Variants in GJC1 observed in about 807,000 individuals in gnomAD.
GJC1 encodes the protein gap junction protein gamma 1.
In GJC1, 5 loss-of-function variants were observed where a neutral mutation model predicts 29.3. The ratio of observed to expected loss-of-function variants is 0.17; its 90% CI spans 0.09 to 0.36. The LOEUF (loss-of-function observed/expected upper bound fraction) is 0.36, where lower values mean the gene tolerates loss of function less well. Among genes scored for constraint, GJC1 ranks in the 10% least tolerant of loss-of-function variants. The pLI is 1.00. For missense variants in GJC1, 310 were observed against 496.2 expected (o/e 0.62, Z 3.56); for synonymous variants, 177 against 183.3 (o/e 0.97, Z 0.28).
intron 1 of GJC1, among the ~76,000 whole-genome samples, chr17:44,821,399 A>G (rs976888909): frequency 6.6e-6 from 1 of 152,142 alleles, no homozygotes; most frequent in African/African-American, 2.4e-5. Context: ...CTTTAAAAAA[A>G]CCCAACCCAT....
At chr17:44,816,630 C>T (rs1436238640) in intron 1 of GJC1, among the ~76,000 whole-genome samples, 5 of 151,968 alleles carry the variant, frequency 3.3e-5, no homozygotes, top group East Asian at 3.9e-4. Flanking sequence ...GTCAGCTTCT[C>T]GAGTAGCTGG....
chr17:44,798,348 A>C (rs1317206576), downstream of GJC1: 2 of 152,284 alleles, frequency 1.3e-5, no homozygotes, highest in East Asian at 3.9e-4. Flanking sequence ...GCTCTTGGGT[A>C]TTATCTTATA....
chr17:44,825,543 G>A (rs1406346823), intron 1 of GJC1, among the ~76,000 whole-genome samples: 1 of 152,170 alleles, frequency 6.6e-6, no homozygotes, highest in African/African-American at 2.4e-5. Flanking sequence ...AGCACTTTGA[G>A]AGGCTGAGGC....
At chr17:44,796,824 TACACACACAC>T, downstream of GJC1, among the ~76,000 whole-genome samples, 1 of 139,762 alleles carries the variant, frequency 7.2e-6, no homozygotes, top group East Asian at 2.1e-4. Flanking sequence ...CACACACACA[TACACACACAC>T]ACACGTATAT....
chr17:44,805,528 T>C lies in GJC1; in HGVS notation c.290A>G (p.His97Arg), dbSNP rs1423634931. The change falls in exon 3 of 3, where the codon CAC becomes CGC. Residue 97 changes from histidine (H) to arginine (R), a missense_variant. By Grantham distance (29) the His-to-Arg change is conservative (BLOSUM62 0). Around this residue, in one of 4 missense-constraint regions of GJC1, gnomAD observed 82 missense variants for 100.7 expected, o/e 0.81. Transcript: ENST00000592524. This position sits in a 1 kb window ranked among gnomAD's most constrained non-coding sequence, Gnocchi z 5.1. ...PSVMYLGYAI[H>R]KIAKMEHGEA... ...ACCGTGCTCCATTTTGGCAATCTTG[T>C]GGATAGCATAGCCCAGGTACATCAC... 3 of 1,614,204 alleles carry C rather than the reference T, an allele frequency of 1.9e-6. No homozygotes were observed. Among genetic ancestry groups the C allele is most frequent in the Admixed American group, 1.7e-5 (1 of 60,026 alleles).
intron 1 of GJC1, among the ~76,000 whole-genome samples, chr17:44,809,892 T>C (rs1244813929): frequency 8.0e-6 from 1 of 125,474 alleles, no homozygotes; most frequent in Admixed American, 8.4e-5. Flanking sequence ...ACAGTCTCGC[T>C]TTTTTGGCCA....
chr17:44,830,711 AG>A, upstream of GJC1: 1 of 398,692 alleles, frequency 2.5e-6, no homozygotes. The surrounding 1 kb of genome is among the most constrained non-coding windows in gnomAD (Gnocchi z 4.3). Context: ...GGTCCATTGT[AG>A]CACGGGATGC....
At chr17:44,820,471 T>G (rs1305551332) in intron 1 of GJC1, among the ~76,000 whole-genome samples, 1 of 152,182 alleles carries the variant, frequency 6.6e-6, no homozygotes, top group Non-Finnish European at 1.5e-5. Flanking sequence ...AGAGTAAAAT[T>G]CACCAAACTG....
Position 44,804,881 on chromosome 17 carries a change from G to C in GJC1, c.937C>G (p.Gln313Glu). 1 of 1,614,110 alleles carries C rather than the reference G, an allele frequency of 6.2e-7. No individual in the cohort carries two copies. The change falls in exon 3 of 3, where the codon CAA becomes GAA. Residue 313 changes from glutamine to glutamate, a missense_variant. Physicochemically the swap from Gln to Glu is conservative, Grantham distance 29. Around this residue, in one of 4 missense-constraint regions of GJC1, gnomAD observed 146 missense variants for 165.0 expected, o/e 0.88. Coordinates refer to ENST00000592524, the MANE Select transcript of GJC1 (RefSeq NM_005497.4). ...ELSNAKIAYK[Q>E]NKANTAQEQQ... ...TCCTGGGCTGTGTTGGCCTTGTTTTGCTTGTAGGCGATCTTAGCATTGGAC... is the reference window on the plus strand; with the variant it reads ...TCCTGGGCTGTGTTGGCCTTGTTTTCCTTGTAGGCGATCTTAGCATTGGAC...
At chr17:44,808,425 T>A (rs1351161057) in intron 1 of GJC1, among the ~76,000 whole-genome samples, 1 of 105,254 alleles carries the variant, frequency 9.5e-6, no homozygotes, top group Non-Finnish European at 2.0e-5. Context: ...ACACCCTGTC[T>A]CTTACACACA....
intron 1 of GJC1, among the ~76,000 whole-genome samples, chr17:44,815,920 T>C (rs1057291153): frequency 6.6e-5 from 10 of 151,942 alleles, no homozygotes; most frequent in Admixed American, 5.3e-4. Flanking sequence ...GAGACCATCC[T>C]GGCTAACAAG....
Position 44,805,489 on chromosome 17 carries a change from T to C in GJC1, c.329A>G (p.Lys110Arg), listed in dbSNP as rs765936621. 1 of 1,614,198 alleles carries C rather than the reference T, an allele frequency of 6.2e-7. No homozygotes were observed. The highest frequency in any genetic ancestry group is 8.5e-7 in the Non-Finnish European group (1 of 1,180,042). ...TGCATAGGGCTTGCTCCGAGCTGCCTTCTTGTCTGCTTCACCGTGCTCCAT... is the reference window on the plus strand; with the variant it reads ...TGCATAGGGCTTGCTCCGAGCTGCCCTCTTGTCTGCTTCACCGTGCTCCAT... ...AKMEHGEADKKAARSKPYAMR... is the reference protein window; with the variant it reads ...AKMEHGEADKRAARSKPYAMR... The change falls in exon 3 of 3, where the codon AAG becomes AGG. Residue 110 changes from lysine to arginine, a missense_variant. Around this residue, in one of 4 missense-constraint regions of GJC1, gnomAD observed 82 missense variants for 100.7 expected, o/e 0.81. Transcript: ENST00000592524. The surrounding 1 kb of genome is among the most constrained non-coding windows in gnomAD (Gnocchi z 5.1).
intron 1 of GJC1, among the ~76,000 whole-genome samples, chr17:44,814,298 G>A (rs1173154267): frequency 2.0e-5 from 3 of 151,392 alleles, no homozygotes; most frequent in Non-Finnish European, 4.4e-5. Flanking sequence ...CCGCCACCAC[G>A]CCCGGCTAAT....
chr17:44,830,615 G>T (rs1265042001), upstream of GJC1: 1 of 398,564 alleles, frequency 2.5e-6, no homozygotes, highest in Non-Finnish European at 4.4e-6. The surrounding 1 kb of genome is among the most constrained non-coding windows in gnomAD (Gnocchi z 4.3). Context: ...GGCCGCTAAC[G>T]GCGCCGTGGG....
rs573174152 is a variant in GJC1 at position 44,812,531 on chromosome 17, C to A, written c.-96-5062G>T. ...AAACAAACAAACACACACAAAAAAACCCATAATCACAGCTACTTACAAATG... is the reference window on the plus strand; with the variant it reads ...AAACAAACAAACACACACAAAAAAAACCATAATCACAGCTACTTACAAATG... On this transcript the variant is annotated intron_variant, in intron 1 of 2. Transcript: ENST00000592524. 3.3e-5 allele frequency among the ~76,000 whole-genome samples: 5 copies of A among 152,138 alleles called. No individual in the cohort carries two copies. In the South Asian group the frequency reaches 6.2e-4, roughly 19 times the overall value.
At chr17:44,820,402 A>C (rs1321223545) in intron 1 of GJC1, among the ~76,000 whole-genome samples, 7 of 152,242 alleles carry the variant, frequency 4.6e-5, no homozygotes, top group Non-Finnish European at 7.3e-5. Context: ...TAAATGAAGA[A>C]TATCAAGTTA....
chr17:44,809,376 A>G, intron 1 of GJC1, among the ~76,000 whole-genome samples: 1 of 152,200 alleles, frequency 6.6e-6, no homozygotes, highest in East Asian at 1.9e-4. Flanking sequence ...TAAATAATAT[A>G]AAATCTTTAA....
intron 1 of GJC1, among the ~76,000 whole-genome samples, chr17:44,819,796 C>T (rs1232969161): frequency 6.6e-6 from 1 of 152,096 alleles, no homozygotes; most frequent in East Asian, 1.9e-4. Context: ...TTGACAGACA[C>T]CTGGGTTGTC....
Position 44,804,862 on chromosome 17 carries a change from G to A in GJC1, c.956C>T (p.Ala319Val). 1 of 1,614,188 alleles carries A rather than the reference G, an allele frequency of 6.2e-7. No individual in the cohort carries two copies. The highest frequency in any genetic ancestry group is 8.5e-7 in the Non-Finnish European group (1 of 1,180,018). Reference protein sequence around the residue: ...IAYKQNKANTAQEQQYGSHEE... With the variant: ...IAYKQNKANTVQEQQYGSHEE... ...ATGGCTGCCATACTGCTGTTCCTGG[G>A]CTGTGTTGGCCTTGTTTTGCTTGTA... Residue 319 changes from alanine to valine, a missense_variant, in exon 3 of 3, where the codon GCC (alanine) becomes GTC (valine). Physicochemically the swap from Ala to Val is moderately conservative, Grantham distance 64. Transcript: ENST00000592524.
Sources: gnomAD v4.1 joint callset for allele counts (sites outside exome capture counted in the v4.1 genomes callset) on GRCh38, gnomAD v4.1.1 for gene constraint, gnomAD v4.1.1 regional missense constraint, Gnocchi (gnomAD v3.1) non-coding constraint, MANE v1.5 for transcripts, NCBI Gene and HGNC (gene_info 2026-07-23, HGNC 2026-07-21) for gene names.